The following INO80 variants were observed in gnomAD, a reference collection of about 807,000 sequenced individuals.
INO80 encodes INO80 complex ATPase subunit.
INO80 carries 20 observed loss-of-function variants against 203.4 expected under a neutral mutation model. The ratio of observed to expected loss-of-function variants is 0.10; its 90% CI spans 0.07 to 0.14. The LOEUF is 0.14. Ranked by LOEUF, INO80 falls within the 10% of genes least tolerant of loss-of-function variation. The pLI, the probability that INO80 is intolerant of heterozygous loss-of-function variation, is 1.00. For synonymous variants in INO80, 726 were observed against 685.2 expected (o/e 1.06, Z -0.93); for missense variants, 1,419 against 1,914.4 (o/e 0.74, Z 4.83).
intron 24 of INO80, among the ~76,000 whole-genome samples, chr15:41,031,232 T>A (rs1273291891): frequency 6.6e-6 from 1 of 151,954 alleles, no homozygotes; most frequent in Non-Finnish European, 1.5e-5. Flanking sequence ...CACCACACTA[T>A]CCAATTTCCC....
chr15:41,066,846 C>CAAAAAAAAAAAAAAA (rs58118605), intron 14 of INO80, among the ~76,000 whole-genome samples: 1 of 70,622 alleles, frequency 1.4e-5, no homozygotes, highest in Non-Finnish European at 3.4e-5. Flanking sequence ...AAAAAAAAAG[C>CAAAAAAAAAAAAAAA]AAAAAAAAAA....
intron 1 of INO80, among the ~76,000 whole-genome samples, chr15:41,100,909 A>G (rs1000184366): frequency 6.6e-6 from 1 of 151,222 alleles, no homozygotes; most frequent in African/African-American, 2.4e-5. Context: ...GCTCACTACA[A>G]TCTCCGCCTC....
chr15:40,985,072 T>C (rs923119875), intron 32 of INO80, among the ~76,000 whole-genome samples: 6 of 152,146 alleles, frequency 3.9e-5, no homozygotes, highest in Non-Finnish European at 7.3e-5. Flanking sequence ...ATTTTAGCCT[T>C]CCACGCTTTG....
chr15:41,008,267 G>A (rs1468493460), intron 27 of INO80, among the ~76,000 whole-genome samples: 2 of 147,984 alleles, frequency 1.4e-5, no homozygotes, highest in African/African-American at 5.3e-5. Flanking sequence ...ATATTATTCA[G>A]CCTTAAAAAG....
intron 1 of INO80, among the ~76,000 whole-genome samples, chr15:41,114,448 C>T (rs2045999615): frequency 6.6e-6 from 1 of 152,138 alleles, no homozygotes; most frequent in Admixed American, 6.5e-5. Context: ...GTGGCTCATG[C>T]CTATAATCCC....
chr15:41,036,312 G>T (rs1043853982), intron 24 of INO80, among the ~76,000 whole-genome samples: 1 of 151,824 alleles, frequency 6.6e-6, no homozygotes, highest in African/African-American at 2.4e-5. Context: ...ACTACTACAG[G>T]GGCTAAAATC....
chr15:40,983,373 C>CT, intron 34 of INO80, among the ~76,000 whole-genome samples: 1 of 152,252 alleles, frequency 6.6e-6, no homozygotes, highest in South Asian at 2.1e-4. Context: ...AAGCGACTTG[C>CT]TACCTGGGAC....
chr15:41,023,147 G>T, intron 25 of INO80: 7 of 351,384 alleles, frequency 2.0e-5, no homozygotes, highest in Admixed American at 4.0e-5. Flanking sequence ...TTGTTTTCTT[G>T]CTTCCAACTT....
At position 41,095,847 on chromosome 15, in the gene INO80, T is replaced by G; in HGVS notation, c.225A>C (p.Glu75Asp). The G allele has an allele frequency of 6.2e-7, 1 of 1,613,996 alleles. No homozygotes were observed. The highest frequency in any genetic ancestry group is 8.5e-7 in the Non-Finnish European group (1 of 1,179,928). ...TTTCACCAAGCAATGAATTTGGAGGTTCTTCCTTAACTTGTATTAAGGGAT... is the reference window on the plus strand; with the variant it reads ...TTTCACCAAGCAATGAATTTGGAGGGTCTTCCTTAACTTGTATTAAGGGAT... Reference protein sequence around the residue: ...SGDPLIQVKEEPPNSLLGETS... With the variant: ...SGDPLIQVKEDPPNSLLGETS... The change falls in exon 3 of 36, where the codon GAA (glutamate) becomes GAC (aspartate). Residue 75 changes from glutamate to aspartate, a missense_variant. Glu to Asp is a conservative substitution (Grantham distance 45). Transcript: ENST00000648947.
intron 13 of INO80, among the ~76,000 whole-genome samples, chr15:41,070,236 T>C (rs527548111): frequency 3.3e-5 from 5 of 152,236 alleles, no homozygotes; most frequent in Non-Finnish European, 7.3e-5. Context: ...TGGTAATTAA[T>C]GCAGAGCGGA....
intron 1 of INO80, among the ~76,000 whole-genome samples, chr15:41,114,695 C>A (rs897939768): frequency 6.9e-5 from 10 of 144,046 alleles, no homozygotes; most frequent in African/African-American, 1.6e-4. Flanking sequence ...GACGACAGAG[C>A]GAGACTCAGT....
intron 29 of INO80, among the ~76,000 whole-genome samples, chr15:40,989,695 A>G (rs2043791639): frequency 6.6e-6 from 1 of 152,184 alleles, no homozygotes; most frequent in African/African-American, 2.4e-5. Context: ...CACCTGCCTC[A>G]GCCTCCTGAG....
chr15:40,996,955 G>A (rs919522487), intron 29 of INO80, among the ~76,000 whole-genome samples: 1 of 152,192 alleles, frequency 6.6e-6, no homozygotes, highest in Non-Finnish European at 1.5e-5. Context: ...GTAGGCATTA[G>A]TGAAATATTT....
chr15:40,980,453 A>G lies in INO80; in HGVS notation c.4454-13T>C, dbSNP rs1352951476. ...CTGGCGGAGATTCCTGTGGGGACGG[A>G]GAGAGACAAGAACGTAAGCACCAGT... On this transcript the variant is annotated splice_polypyrimidine_tract_variant and intron_variant, in intron 35 of 35. Coordinates refer to ENST00000648947, the MANE Select transcript of INO80 (RefSeq NM_017553.3). 3 of 1,601,820 alleles carry G rather than the reference A, an allele frequency of 1.9e-6. No homozygotes were observed. The highest frequency in any genetic ancestry group is 2.6e-6 in the Non-Finnish European group (3 of 1,170,976).
chr15:41,030,112 T>C (rs1167367805), intron 24 of INO80, among the ~76,000 whole-genome samples: 1 of 152,248 alleles, frequency 6.6e-6, no homozygotes, highest in Non-Finnish European at 1.5e-5. Context: ...ATTTTGAGTA[T>C]TCTAAAATTC....
chr15:41,041,936 G>C (rs1209350345), intron 24 of INO80, among the ~76,000 whole-genome samples: 1 of 149,674 alleles, frequency 6.7e-6, no homozygotes, highest in Non-Finnish European at 1.5e-5. Flanking sequence ...CTGGGTTCAA[G>C]GGATTCTCCT....
In INO80 at chr15:40,987,936, G is replaced by A. The variant is rs920896036; in HGVS notation, c.3609C>T (p.Asp1203=). The A allele has an allele frequency of 1.4e-5, 23 of 1,613,926 alleles. No individual in the cohort carries two copies. The highest frequency in any genetic ancestry group is 1.8e-5 in the Non-Finnish European group (21 of 1,179,898). The stretch of plus-strand genomic sequence containing the variant: ...GGTGGGCCCTGTCCATGGCCTGCTG[G>A]TCCACAGTGGGGTTCCAGTCGCTAT... The part of the protein sequence containing the change: ...FYDSDWNPTV[D]QQAMDRAHRL... Residue 1203 remains aspartate, a synonymous_variant, in exon 30 of 36, where the codon GAC becomes GAT. Transcript: ENST00000648947.
At chr15:41,052,857 CAAAAA>C (rs886971015) in intron 19 of INO80, among the ~76,000 whole-genome samples, 13 of 93,554 alleles carry the variant, frequency 1.4e-4, no homozygotes, top group African/African-American at 4.8e-4. Context: ...CTGGTCGCTA[CAAAAA>C]AAAAAAAAAA....
At chr15:41,108,330 C>T (rs1289887032) in intron 1 of INO80, among the ~76,000 whole-genome samples, 2 of 151,674 alleles carry the variant, frequency 1.3e-5, no homozygotes, top group Non-Finnish European at 2.9e-5. Context: ...TGGCTCACAC[C>T]TGTAATCCCA....
Sources: allele counts gnomAD v4.1 joint callset (sites outside exome capture counted in the v4.1 genomes callset), GRCh38; gene constraint gnomAD v4.1.1; transcripts MANE v1.5; gene names NCBI Gene and HGNC (gene_info 2026-07-23, HGNC 2026-07-21).